Variants in CDH2 observed in about 807,000 individuals in gnomAD.
The protein encoded by CDH2 is cadherin-2.
A neutral mutation model predicts 92.0 loss-of-function variants in CDH2; 17 were observed. That is an observed-to-expected ratio of 0.18 (90% CI 0.13 to 0.28). The LOEUF (loss-of-function observed/expected upper bound fraction) is 0.28. Ranked by LOEUF, CDH2 falls within the 10% of genes least tolerant of loss-of-function variation. The pLI is 1.00. For synonymous variants in CDH2, 419 were observed against 415.9 expected (o/e 1.01, Z -0.09); for missense variants, 862 against 1,133.1 (o/e 0.76, Z 3.44).
At position 27,993,523 on chromosome 18, in the gene CDH2, G is replaced by T. The variant is rs867449013; in HGVS notation, c.1135C>A (p.Pro379Thr). The change falls in exon 8 of 16, where the codon CCT (proline) becomes ACT (threonine). Residue 379 changes from proline to threonine, a missense_variant. Physicochemically the swap from Pro to Thr is conservative, Grantham distance 38. This residue lies in a region of CDH2 where 564 missense variants were observed against 722.2 expected (regional missense o/e 0.78). Coordinates refer to ENST00000269141, the MANE Select transcript of CDH2 (RefSeq NM_001792.5). ...VITVTDVNDN[P>T]PEFTAMTFYG... ...ACCGTCATGGCAGTAAACTCTGGAG[G>T]ATTGTCATTGACATCTGTCACTGTG... The T allele has an allele frequency of 1.2e-6, 2 of 1,614,102 alleles. No homozygotes were observed. The highest frequency in any genetic ancestry group is 8.5e-7 in the Non-Finnish European group (1 of 1,179,984).
At chr18:27,965,902 C>T (rs893068141) in intron 14 of CDH2, among the ~76,000 whole-genome samples, 5 of 145,486 alleles carry the variant, frequency 3.4e-5, no homozygotes, top group East Asian at 2.1e-4. Context: ...GCAGGAGAAT[C>T]GCTTGAACTC....
intron 7 of CDH2, among the ~76,000 whole-genome samples, chr18:27,999,317 T>G (rs1324153466): frequency 3.3e-5 from 5 of 152,140 alleles, no homozygotes; most frequent in African/African-American, 1.2e-4. Flanking sequence ...TAAAAAGCTC[T>G]AACTTCATCC....
intron 10 of CDH2, among the ~76,000 whole-genome samples, chr18:27,989,232 T>C (rs879565398): frequency 4.6e-5 from 7 of 152,190 alleles, no homozygotes; most frequent in African/African-American, 7.2e-5. Context: ...CAGTCTTGAG[T>C]CTGAATTGGC....
intron 1 of CDH2, among the ~76,000 whole-genome samples, chr18:28,150,111 A>G (rs755147282): frequency 6.6e-6 from 1 of 152,186 alleles, no homozygotes; most frequent in Non-Finnish European, 1.5e-5. Flanking sequence ...AAATGGACAA[A>G]TGTGTTGTAA....
intron 15 of CDH2, among the ~76,000 whole-genome samples, chr18:27,954,897 G>C (rs11564333): frequency 0.14 from 22,017 of 152,084 alleles, 2,038 homozygotes; most frequent in East Asian, 0.4. Context: ...TTCCCTACAA[G>C]ATCTAGCAAC....
downstream of CDH2, among the ~76,000 whole-genome samples, chr18:27,947,289 C>A (rs1305769966): frequency 8.6e-4 from 130 of 151,794 alleles, no homozygotes; most frequent in Non-Finnish European, 1.3e-3. Flanking sequence ...AGAGCCCACT[C>A]ATAATAGCAA....
chr18:27,996,047 TCTGC>T (rs1488157887), intron 7 of CDH2, among the ~76,000 whole-genome samples: 1 of 152,094 alleles, frequency 6.6e-6, no homozygotes, highest in Admixed American at 6.5e-5. Context: ...TCAAGGGGAT[TCTGC>T]TTGAAAACTT....
chr18:28,156,114 C>T (rs541932638), intron 1 of CDH2, among the ~76,000 whole-genome samples: 22 of 152,320 alleles, frequency 1.4e-4, no homozygotes, highest in African/African-American at 4.8e-4. Flanking sequence ...ACTGAGGCCA[C>T]ACATTTGCCC....
At chr18:28,127,284 C>T (rs2015692733) in intron 2 of CDH2, among the ~76,000 whole-genome samples, 1 of 152,132 alleles carries the variant, frequency 6.6e-6, no homozygotes, top group Non-Finnish European at 1.5e-5. Flanking sequence ...GGCTTTTCTC[C>T]TAGTTCCCAC....
At chr18:28,153,971 T>C (rs575889602) in intron 1 of CDH2, among the ~76,000 whole-genome samples, 40 of 152,278 alleles carry the variant, frequency 2.6e-4, no homozygotes, top group African/African-American at 9.6e-4. Context: ...CAAGACTCAT[T>C]AAAACAGACT....
chr18:28,073,876 C>T (rs1048589800), intron 2 of CDH2, among the ~76,000 whole-genome samples: 5 of 152,124 alleles, frequency 3.3e-5, no homozygotes, highest in African/African-American at 1.2e-4. Context: ...GACAACCTTG[C>T]TCCTGGGGTT....
At chr18:28,163,671 C>T (rs1424291563) in intron 1 of CDH2, among the ~76,000 whole-genome samples, 2 of 152,228 alleles carry the variant, frequency 1.3e-5, no homozygotes, top group Non-Finnish European at 2.9e-5. Flanking sequence ...CAATGCTCTA[C>T]AGCAGTGAAA....
chr18:28,000,309 C>T (rs564042964), intron 7 of CDH2, among the ~76,000 whole-genome samples: 1 of 152,246 alleles, frequency 6.6e-6, no homozygotes, highest in Admixed American at 6.5e-5. Context: ...GCCATGTTGT[C>T]CAGGCAGGTC....
At chr18:28,125,019 C>A (rs1009673737) in intron 2 of CDH2, among the ~76,000 whole-genome samples, 2 of 152,180 alleles carry the variant, frequency 1.3e-5, no homozygotes, top group African/African-American at 4.8e-5. Flanking sequence ...CTACAGCTGT[C>A]ACAAAGACCT....
chr18:28,053,394 G>C (rs548087091), intron 2 of CDH2, among the ~76,000 whole-genome samples: 23 of 152,116 alleles, frequency 1.5e-4, no homozygotes, highest in Non-Finnish European at 2.6e-4. Context: ...AATTCATTAA[G>C]ATTATCAAAC....
intron 2 of CDH2, among the ~76,000 whole-genome samples, chr18:28,037,352 G>A (rs2013854881): frequency 6.6e-6 from 1 of 152,120 alleles, no homozygotes; most frequent in South Asian, 2.1e-4. Context: ...ATTCAGATAG[G>A]TTGCCAGCAT....
intron 6 of CDH2, among the ~76,000 whole-genome samples, chr18:27,937,604 A>G (rs562354961): frequency 1.4e-4 from 22 of 152,276 alleles, no homozygotes; most frequent in Admixed American, 1.2e-3. Context: ...TACACACTCA[A>G]TCTTCTAATC....
intron 6 of CDH2, among the ~76,000 whole-genome samples, chr18:27,941,983 AC>A (rs1265770279): frequency 6.6e-6 from 1 of 152,228 alleles, no homozygotes; most frequent in East Asian, 1.9e-4. Context: ...GTACAATTCT[AC>A]TTCCATAAAC....
At chr18:28,041,359 C>A (rs2013944101) in intron 2 of CDH2, among the ~76,000 whole-genome samples, 1 of 152,070 alleles carries the variant, frequency 6.6e-6, no homozygotes, top group Non-Finnish European at 1.5e-5. Flanking sequence ...AAAACAAGCA[C>A]AAAACAAACA....
Sources: gnomAD v4.1 joint callset for allele counts (sites outside exome capture counted in the v4.1 genomes callset) on GRCh38, gnomAD v4.1.1 for gene constraint, gnomAD v4.1.1 regional missense constraint, MANE v1.5 for transcripts, NCBI Gene and HGNC (gene_info 2026-07-23, HGNC 2026-07-21) for gene names.